FCRL6: variants seen among roughly 807,000 people sequenced by gnomAD.
FCRL6 encodes Fc receptor-like protein 6.
Under a neutral mutation model 49.1 loss-of-function variants are expected in FCRL6, and 50 were observed. The observed-to-expected ratio is 1.02, with a 90% CI of 0.81 to 1.29. The LOEUF is 1.29. Ranked by LOEUF, FCRL6 falls within the 50% of genes most tolerant of loss-of-function variation. FCRL6 has a pLI of 0.00. For synonymous variants in FCRL6, 213 were observed against 199.6 expected (o/e 1.07, Z -0.57); for missense variants, 571 against 518.5 (o/e 1.10, Z -0.98).
Position 159,815,967 on chromosome 1 carries a change from A to G in FCRL6, c.*306A>G, listed in dbSNP as rs1663380592. The G allele has an allele frequency of 3.1e-6, 1 of 320,080 alleles. No individual in the cohort carries two copies. Among genetic ancestry groups the G allele is most frequent in the Non-Finnish European group, 6.1e-6 (1 of 164,466 alleles). The allele number at this position is 320,080 out of a possible 1,614,324, so 19.8% of individuals were successfully genotyped here. A position where few individuals can be genotyped will look rare whatever the true frequency, so the allele number is the denominator to read the frequency against. On this transcript the variant is annotated 3_prime_UTR_variant, in exon 10 of 10. Transcript: ENST00000368106. The stretch of plus-strand genomic sequence containing the variant: ...CAAGCATGTTAGTTCGCCCCAATAT[A>G]CATATATATATGAAATAGTCATGTG...
Position 159,815,868 on chromosome 1 carries a change from G to T in FCRL6, c.*207G>T, listed in dbSNP as rs968768069. 4.3e-5 allele frequency: 24 copies of T among 557,364 alleles called. No individual in the cohort carries two copies. Among genetic ancestry groups the T allele is most frequent in the South Asian group, 3.7e-4 (18 of 48,858 alleles). The allele number at this position is 557,364 out of a possible 1,614,324, so 34.5% of individuals were successfully genotyped here. A position where few individuals can be genotyped will look rare whatever the true frequency, so the allele number is the denominator to read the frequency against. On this transcript the variant is annotated 3_prime_UTR_variant, in exon 10 of 10. Transcript: ENST00000368106. ...CAACCAATGGAATGGGAAGGGAGAT[G>T]CTCCCACCAACACACACACTTAGGT...
At position 159,802,422 on chromosome 1, in the gene FCRL6, C is replaced by T; in HGVS notation, c.-3C>T. 6.2e-7 allele frequency: 1 copy of T among 1,613,908 alleles called. No individual in the cohort carries two copies. ...TTCCCTCCGCTGTGCCAGAACAGGC[C>T]CCATGCTGCTCTGGACGGCTGTGCT... On this transcript the variant is annotated 5_prime_UTR_variant, in exon 1 of 10. Coordinates refer to ENST00000368106, the MANE Select transcript of FCRL6 (RefSeq NM_001004310.3).
chr1:159,808,803 T>C, intron 3 of FCRL6, 158 bp from the exon 4 acceptor site: 1 of 717,744 alleles, frequency 1.4e-6, no homozygotes, highest in East Asian at 2.7e-5. Flanking sequence ...ATTTCAGAGT[T>C]TGTGGGTGAG....
At chr1:159,811,954 A>T (rs1663111839) in intron 6 of FCRL6, among the ~76,000 whole-genome samples, 1 of 152,214 alleles carries the variant, frequency 6.6e-6, no homozygotes, top group Admixed American at 6.5e-5. Context: ...GTAATGTAGC[A>T]CAACTGCCTC....
intron 6 of FCRL6, among the ~76,000 whole-genome samples, chr1:159,812,417 T>A (rs1364120535): frequency 6.6e-6 from 1 of 152,198 alleles, no homozygotes; most frequent in Non-Finnish European, 1.5e-5. Context: ...TTTTAGAACA[T>A]TTGACCAATG....
At chr1:159,808,537 C>G in intron 3 of FCRL6, 93 bp downstream of exon 3, 1 of 1,479,724 alleles carries the variant, frequency 6.8e-7, no homozygotes, top group African/African-American at 1.4e-5. Flanking sequence ...GGACCCCTGT[C>G]TCTGGCTGCC....
In FCRL6 at chr1:159,809,461, G is replaced by A. The variant is rs371842130; in HGVS notation, c.664G>A (p.Asp222Asn). 5 of 1,613,826 alleles carry A rather than the reference G, an allele frequency of 3.1e-6. No individual in the cohort carries two copies. The highest frequency in any genetic ancestry group is 4.2e-6 in the Non-Finnish European group (5 of 1,179,888). The change falls in exon 5 of 10, where the codon GAC becomes AAC. Residue 222 changes from aspartate (D) to asparagine (N), a missense_variant. Asp to Asn is a conservative substitution (Grantham distance 23). Transcript: ENST00000368106. ...CGGGCCTGCTGACCCTGCTGTGGGG[G>A]ACATGGTGCAGCTCCTCTGTGAGGC... ...HHGPADPAVG[D>N]MVQLLCEAQR...
At chr1:159,801,344 G>T (rs536704069), upstream of FCRL6, among the ~76,000 whole-genome samples, 1 of 152,292 alleles carries the variant, frequency 6.6e-6, no homozygotes, top group South Asian at 2.1e-4. Flanking sequence ...ATTTTCTAGT[G>T]ACTGTACCAA....
intron 6 of FCRL6, among the ~76,000 whole-genome samples, chr1:159,810,574 C>T (rs1337237444): frequency 7.1e-6 from 1 of 141,150 alleles, no homozygotes; most frequent in Non-Finnish European, 1.5e-5. Flanking sequence ...GGAATATGAG[C>T]AAAAAAAAAA....
chr1:159,808,497 C>CG (rs1557873892), intron 3 of FCRL6, 53 bp downstream of exon 3: 2 of 1,606,768 alleles, frequency 1.2e-6, no homozygotes, highest in South Asian at 2.2e-5. Context: ...TCAAGGGTCC[C>CG]GTTTCTAGAG....
chr1:159,812,093 C>T (rs1423238639), intron 6 of FCRL6, among the ~76,000 whole-genome samples: 1 of 152,222 alleles, frequency 6.6e-6, no homozygotes, highest in Non-Finnish European at 1.5e-5. Flanking sequence ...CACCACCACA[C>T]CCACTGCCAA....
chr1:159,814,256 T>C lies in FCRL6; in HGVS notation c.1111T>C (p.Tyr371His). 2 of 1,614,230 alleles carry C rather than the reference T, an allele frequency of 1.2e-6. No individual in the cohort carries two copies. Among genetic ancestry groups the C allele is most frequent in the Non-Finnish European group, 1.7e-6 (2 of 1,180,032 alleles). The change falls in exon 8 of 10, where the codon TAC (tyrosine) becomes CAC (histidine). Residue 371 changes from tyrosine (Y) to histidine (H), a missense_variant. Tyr to His is a moderately conservative substitution (Grantham distance 83). Transcript: ENST00000368106. ...HQKGKDEGVV[Y>H]SVVHRTSKRS... ...GAAAGGGAAAGATGAAGGTGTTGTC[T>C]ACTCTGTGGTGCATAGAACCTCAAA...
chr1:159,806,758 G>A, intron 2 of FCRL6, 142 bp downstream of exon 2: 4 of 865,030 alleles, frequency 4.6e-6, no homozygotes, highest in Admixed American at 3.7e-5. Flanking sequence ...AGGAGTCTTG[G>A]CCAGTTCCTA....
At position 159,808,453 on chromosome 1, in the gene FCRL6, C is replaced by G. The variant is rs1662854277; in HGVS notation, c.319+9C>G. 3 of 1,614,156 alleles carry G rather than the reference C, an allele frequency of 1.9e-6. No individual in the cohort carries two copies. Among genetic ancestry groups the G allele is most frequent in the Non-Finnish European group, 2.5e-6 (3 of 1,180,006 alleles). The stretch of plus-strand genomic sequence containing the variant: ...CATGGTTCAAGTCCAAGGTGAGTCA[C>G]CAGCTTGGGAGTTTGTGGGGCAGGA... On this transcript the variant is annotated intron_variant, in intron 3 of 9. Transcript: ENST00000368106.
intron 2 of FCRL6, 124 bp downstream of exon 2, chr1:159,806,740 C>T: frequency 2.0e-6 from 2 of 980,970 alleles, no homozygotes; most frequent in Non-Finnish European, 3.3e-6. Flanking sequence ...AGACTAGGCC[C>T]CTTCCTCAGG....
intron 5 of FCRL6, 143 bp from the exon 6 acceptor site, chr1:159,809,951 A>G (rs1451386909): frequency 6.6e-6 from 7 of 1,055,756 alleles, no homozygotes; most frequent in Non-Finnish European, 9.6e-6. Context: ...CCCCTGAGCC[A>G]TCCTTCATGC....
intron 5 of FCRL6, among the ~76,000 whole-genome samples, 175 bp downstream of exon 5, chr1:159,809,858 T>C (rs76761971): frequency 6.6e-6 from 1 of 152,054 alleles, no homozygotes; most frequent in African/African-American, 2.4e-5. Flanking sequence ...CAGAGAAATA[T>C]TGAAGTCCAT....
intron 6 of FCRL6, among the ~76,000 whole-genome samples, chr1:159,812,626 C>G (rs1482562091): frequency 2.0e-5 from 3 of 152,236 alleles, no homozygotes; most frequent in Admixed American, 6.5e-5. Context: ...GCTCATTTCT[C>G]AGCCCTGACG....
rs1193741004 is a variant in FCRL6 at position 159,809,209 on chromosome 1, C to T, written c.568C>T (p.Gln190Ter). 1 of 1,585,660 alleles carries T rather than the reference C, an allele frequency of 6.3e-7. No homozygotes were observed. Among genetic ancestry groups the T allele is most frequent in the Non-Finnish European group, 8.6e-7 (1 of 1,167,326 alleles). Residue 190 changes from glutamine (Q) to a stop codon, truncating the protein, a stop_gained, in exon 4 of 10, where the codon CAG (glutamine) becomes TAG (stop). Coordinates refer to ENST00000368106, the MANE Select transcript of FCRL6 (RefSeq NM_001004310.3). LOFTEE classifies it high-confidence loss of function. Reference protein sequence around the residue: ...CEVAPEGGQVQKQSPQLEVRV... With the variant: ...CEVAPEGGQV ...GGTGGCCCCTGAGGGTGGCCAGGTC[C>T]AGAAGCAGAGCCCCCAGCTGGAGGT... is the stretch of plus-strand genomic sequence containing the variant.
Sources: gnomAD v4.1 joint callset for allele counts (sites outside exome capture counted in the v4.1 genomes callset) on GRCh38, gnomAD v4.1.1 for gene constraint, MANE v1.5 for transcripts, NCBI Gene and HGNC (gene_info 2026-07-23, HGNC 2026-07-21) for gene names.